CTIF: variants seen among roughly 807,000 people sequenced by gnomAD.
CTIF encodes CBP80/20-dependent translation initiation factor.
A neutral mutation model predicts 66.0 loss-of-function variants in CTIF; 21 were observed. The observed-to-expected ratio is 0.32, with a 90% CI of 0.23 to 0.46. The LOEUF (loss-of-function observed/expected upper bound fraction) is 0.46. Among genes scored for constraint, CTIF ranks in the 20% least tolerant of loss-of-function variants. The probability of loss-of-function intolerance (pLI) is 1.00; values close to 1 mark genes in which losing one functional copy is unlikely to be tolerated. For missense variants in CTIF, 739 were observed against 812.7 expected (o/e 0.91, Z 1.10); for synonymous variants, 345 against 326.4 (o/e 1.06, Z -0.62).
chr18:48,860,008 G>A lies in CTIF; in HGVS notation c.*449G>A, dbSNP rs777845728. ...TCGGAGACGGGCTCGCATTGTTCCC[G>A]CATGCTGTCAGCCGCAGTCGCCAAC... On this transcript the variant is annotated 3_prime_UTR_variant, in exon 12 of 12. Transcript: ENST00000256413. The A allele has an allele frequency of 2.4e-4, 109 of 451,004 alleles. No homozygotes were observed. The highest frequency in any genetic ancestry group is 6.5e-4 in the Middle Eastern group (2 of 3,076). 27.9% of individuals were successfully genotyped at this position (451,004 alleles called of 1,614,324 possible).
At chr18:48,623,585 G>T (rs200384997) in intron 2 of CTIF, among the ~76,000 whole-genome samples, 3 of 142,442 alleles carry the variant, frequency 2.1e-5, no homozygotes, top group Non-Finnish European at 4.6e-5. Context: ...AAGCCAAAAA[G>T]AAAAAAAAAA....
At chr18:48,672,574 A>G (rs947164975) in intron 6 of CTIF, among the ~76,000 whole-genome samples, 8 of 152,310 alleles carry the variant, frequency 5.3e-5, no homozygotes, top group South Asian at 2.1e-4. Context: ...TTGAGCCTGT[A>G]CATAGATAAG....
intron 9 of CTIF, among the ~76,000 whole-genome samples, chr18:48,778,105 C>T (rs1312572417): frequency 2.6e-5 from 4 of 152,014 alleles, no homozygotes; most frequent in South Asian, 2.1e-4. Context: ...AGCAGCCACC[C>T]GTTAGGATGT....
In CTIF at chr18:48,761,509, G is replaced by A; in HGVS notation, c.1191G>A (p.Met397Ile). The A allele has an allele frequency of 6.2e-7, 1 of 1,614,204 alleles. No individual in the cohort carries two copies. The highest frequency in any genetic ancestry group is 8.5e-7 in the Non-Finnish European group (1 of 1,180,042). The change falls in exon 9 of 12, where the codon ATG becomes ATA. Residue 397 changes from methionine to isoleucine, a missense_variant. By Grantham distance (10) the Met-to-Ile change is conservative. Transcript: ENST00000256413. The surrounding 1 kb of genome is among the most constrained non-coding windows in gnomAD (Gnocchi z 4.2). ...SDVDTKLTTF[M>I]EEAQNSTNSE... ...TGGACACCAAGCTCACCACCTTCAT[G>A]GAGGAGGCCCAGAACTCCACCAACT...
At chr18:48,690,815 A>G (rs1228355593) in intron 6 of CTIF, among the ~76,000 whole-genome samples, 1 of 151,982 alleles carries the variant, frequency 6.6e-6, no homozygotes, top group Non-Finnish European at 1.5e-5. Context: ...GGATGGAGAT[A>G]ATAAAACCTC....
rs73956953 is a variant in CTIF, at chr18:48,610,053, G to A, written c.-28-9485G>A. Reference sequence around the variant, plus strand: ...AGGGAAGGACGGTGCTGGAGAGGGCGTGGGCGGGCTGGGGGAGCCACAGGC... The same window carrying A: ...AGGGAAGGACGGTGCTGGAGAGGGCATGGGCGGGCTGGGGGAGCCACAGGC... On this transcript the variant is annotated intron_variant, in intron 1 of 11. Coordinates refer to ENST00000256413, the MANE Select transcript of CTIF (RefSeq NM_014772.3). 2.2e-3 allele frequency among the ~76,000 whole-genome samples: 335 copies of A among 152,316 alleles called. 1 individual carries two copies. The highest frequency in any genetic ancestry group is 7.7e-3 in the African/African-American group (320 of 41,564).
chr18:48,721,751 C>CT (rs1555679876), intron 7 of CTIF, among the ~76,000 whole-genome samples: 4 of 86,792 alleles, frequency 4.6e-5, no homozygotes, highest in African/African-American at 2.6e-4. Flanking sequence ...GAACGTGCAT[C>CT]CCCCCCTCTC....
intron 1 of CTIF, among the ~76,000 whole-genome samples, chr18:48,547,184 A>G (rs1030614334): frequency 1.3e-5 from 2 of 152,124 alleles, no homozygotes; most frequent in Admixed American, 6.5e-5. Context: ...CAACTCGGGG[A>G]GGCATGTGCA....
intron 6 of CTIF, among the ~76,000 whole-genome samples, chr18:48,673,272 G>A (rs2091566455): frequency 6.6e-6 from 1 of 152,172 alleles, no homozygotes; most frequent in South Asian, 2.1e-4. Context: ...CTTTCTAGAT[G>A]TGCTGTTGTG....
At chr18:48,650,099 C>T (rs146037445) in intron 3 of CTIF, among the ~76,000 whole-genome samples, 2 of 152,188 alleles carry the variant, frequency 1.3e-5, no homozygotes, top group African/African-American at 4.8e-5. Flanking sequence ...TCCTCGCCAG[C>T]AATGGAACAA....
At chr18:48,562,383 TAG>T (rs2143482777) in intron 1 of CTIF, among the ~76,000 whole-genome samples, 1 of 152,366 alleles carries the variant, frequency 6.6e-6, no homozygotes, top group South Asian at 2.1e-4. Flanking sequence ...AGTCCTGCTC[TAG>T]AGTTTGCCTT....
At chr18:48,818,413 G>A (rs62103300) in intron 10 of CTIF, among the ~76,000 whole-genome samples, 19,346 of 152,186 alleles carry the variant, frequency 0.13, 1,329 homozygotes, top group East Asian at 0.24. Flanking sequence ...CCCATTTTCT[G>A]AGATGGAGGA....
chr18:48,618,705 A>G (rs2090439399), intron 1 of CTIF, among the ~76,000 whole-genome samples: 1 of 152,186 alleles, frequency 6.6e-6, no homozygotes, highest in Non-Finnish European at 1.5e-5. Context: ...GGCTGGGTTG[A>G]GCACATCAGC....
At chr18:48,738,753 A>G (rs143620659) in intron 7 of CTIF, among the ~76,000 whole-genome samples, 17 of 152,164 alleles carry the variant, frequency 1.1e-4, no homozygotes, top group Admixed American at 5.9e-4. Context: ...GGCATTCTCC[A>G]TGGTGCATTT....
At chr18:48,570,149 A>G (rs2089379495) in intron 1 of CTIF, among the ~76,000 whole-genome samples, 1 of 152,146 alleles carries the variant, frequency 6.6e-6, no homozygotes, top group African/African-American at 2.4e-5. Flanking sequence ...GAGGTAGACA[A>G]TAACCACTCC....
At chr18:48,778,858 G>T (rs1269413553) in intron 9 of CTIF, among the ~76,000 whole-genome samples, 1 of 152,180 alleles carries the variant, frequency 6.6e-6, no homozygotes, top group Non-Finnish European at 1.5e-5. Flanking sequence ...AGTCCAGCAG[G>T]TCGCGCTGGT....
At chr18:48,733,803 A>C (rs2092476073) in intron 7 of CTIF, among the ~76,000 whole-genome samples, 1 of 151,932 alleles carries the variant, frequency 6.6e-6, no homozygotes, top group Admixed American at 6.6e-5. Context: ...CCACCAGCCC[A>C]CCCCAGAGTG....
At chr18:48,601,868 A>G (rs1303439749) in intron 1 of CTIF, among the ~76,000 whole-genome samples, 2 of 152,252 alleles carry the variant, frequency 1.3e-5, no homozygotes, top group African/African-American at 4.8e-5. Flanking sequence ...TCAGGAAGCA[A>G]GAATTTTAGT....
At chr18:48,825,087 T>C (rs1028896328) in intron 10 of CTIF, among the ~76,000 whole-genome samples, 2 of 152,152 alleles carry the variant, frequency 1.3e-5, no homozygotes, top group African/African-American at 4.8e-5. Flanking sequence ...CTCCTGTCTC[T>C]TTGGAGTCCA....
Sources: gnomAD v4.1 joint callset for allele counts (sites outside exome capture counted in the v4.1 genomes callset) on GRCh38, gnomAD v4.1.1 for gene constraint, Gnocchi (gnomAD v3.1) non-coding constraint, MANE v1.5 for transcripts, NCBI Gene and HGNC (gene_info 2026-07-23, HGNC 2026-07-21) for gene names.